The following PTPRN2 variants were observed in gnomAD, a reference collection of about 807,000 sequenced individuals.
PTPRN2 encodes the protein protein tyrosine phosphatase receptor type N2, also known as receptor-type tyrosine-protein phosphatase N2.
Under a neutral mutation model 118.8 loss-of-function variants are expected in PTPRN2, and 74 were observed. The ratio of observed to expected loss-of-function variants is 0.62; its 90% CI spans 0.52 to 0.76. The LOEUF is 0.76. Among genes scored for constraint, PTPRN2 ranks in the 30% least tolerant of loss-of-function variants. The pLI, the probability that PTPRN2 is intolerant of heterozygous loss-of-function variation, is 0.00. For missense variants in PTPRN2, 1,481 were observed against 1,394.4 expected, an observed-to-expected ratio of 1.06 and a Z score of -0.99; for synonymous variants, 641 against 608.0, an observed-to-expected ratio of 1.05 and a Z score of -0.80.
intron 12 of PTPRN2, among the ~76,000 whole-genome samples, chr7:157,803,183 T>G (rs1287600015): frequency 6.6e-6 from 1 of 152,244 alleles, no homozygotes; most frequent in African/African-American, 2.4e-5. Flanking sequence ...CAGGCTGGTC[T>G]CGAACTCCTG....
intron 12 of PTPRN2, among the ~76,000 whole-genome samples, chr7:157,837,987 C>G (rs1808092032): frequency 6.6e-6 from 1 of 151,698 alleles, no homozygotes; most frequent in African/African-American, 2.4e-5. Context: ...AAGCTCCTCT[C>G]CACTATGCCT....
chr7:158,408,887 T>C (rs1813798273), intron 2 of PTPRN2, among the ~76,000 whole-genome samples: 1 of 151,728 alleles, frequency 6.6e-6, no homozygotes, highest in Non-Finnish European at 1.5e-5. Flanking sequence ...CATATTAACA[T>C]TGACACCAAA....
At chr7:157,840,237 G>GTGTGACTGTGTGACTGTT (rs1808294230) in intron 12 of PTPRN2, among the ~76,000 whole-genome samples, 1 of 150,590 alleles carries the variant, frequency 6.6e-6, no homozygotes, top group African/African-American at 2.5e-5. Flanking sequence ...GTGTGACTGT[G>GTGTGACTGTGTGACTGTT]TGTGACTGTG....
intron 2 of PTPRN2, among the ~76,000 whole-genome samples, chr7:158,337,026 A>AGG (rs1805715971): frequency 9.8e-6 from 1 of 101,530 alleles, no homozygotes; most frequent in Non-Finnish European, 2.2e-5. Flanking sequence ...AAGAGCTGTC[A>AGG]CCCACAGACA....
At chr7:158,254,903 A>G (rs554756888) in intron 3 of PTPRN2, among the ~76,000 whole-genome samples, 1 of 152,380 alleles carries the variant, frequency 6.6e-6, no homozygotes, top group East Asian at 1.9e-4. Flanking sequence ...ATAGATCTGG[A>G]CACGAATAAT....
chr7:157,613,940 A>C, intron 15 of PTPRN2: 1 of 452,166 alleles, frequency 2.2e-6, no homozygotes, highest in Non-Finnish European at 4.6e-6. Flanking sequence ...CCACATGGCC[A>C]GGGGCGACCC....
intron 12 of PTPRN2, among the ~76,000 whole-genome samples, chr7:157,855,084 G>A (rs57677953): frequency 0.038 from 5,707 of 148,666 alleles, 290 homozygotes; most frequent in African/African-American, 0.14. Context: ...GGATGGCTGT[G>A]CCGTTGCAGG....
chr7:157,781,190 A>G (rs1209819496), intron 12 of PTPRN2, among the ~76,000 whole-genome samples: 1 of 152,184 alleles, frequency 6.6e-6, no homozygotes, highest in Non-Finnish European at 1.5e-5. Context: ...CCTTTTGATG[A>G]AAAGTCTGTC....
intron 12 of PTPRN2, among the ~76,000 whole-genome samples, chr7:157,741,138 C>G (rs1800611924): frequency 6.6e-6 from 1 of 152,236 alleles, no homozygotes; most frequent in Non-Finnish European, 1.5e-5. Flanking sequence ...TCCACAGGCT[C>G]CATGACGGCA....
intron 4 of PTPRN2, among the ~76,000 whole-genome samples, chr7:158,197,028 A>G (rs529672020): frequency 7.9e-5 from 12 of 151,914 alleles, no homozygotes; most frequent in African/African-American, 2.7e-4. Flanking sequence ...ATATACATGT[A>G]TGTGTGTGTG....
chr7:157,992,291 G>A (rs563331864), intron 11 of PTPRN2, among the ~76,000 whole-genome samples: 6 of 152,336 alleles, frequency 3.9e-5, no homozygotes, highest in East Asian at 1.9e-4. Context: ...ACTGCATGGC[G>A]ACACGTTCTC....
At chr7:158,584,225 C>T (rs940099719) in intron 1 of PTPRN2, among the ~76,000 whole-genome samples, 4 of 152,088 alleles carry the variant, frequency 2.6e-5, no homozygotes, top group Admixed American at 6.6e-5. Flanking sequence ...GAAGGGGGGG[C>T]CTTTATAAAA....
chr7:158,462,825 A>T (rs1819104359), intron 2 of PTPRN2, among the ~76,000 whole-genome samples: 1 of 152,230 alleles, frequency 6.6e-6, no homozygotes, highest in African/African-American at 2.4e-5. Context: ...GATGAGTTGA[A>T]GGTTGGGACA....
Position 158,034,500 on chromosome 7 carries a change from T to C in PTPRN2, c.1723+46798A>G, listed in dbSNP as rs544507096. On this transcript the variant is annotated intron_variant, in intron 11 of 22. Coordinates refer to ENST00000389418, the MANE Select transcript of PTPRN2 (RefSeq NM_002847.5). ...GGGAGTTTCCCTGCACTTTGCCTGCTGCCATCCATGTAAGACGGGACTTGC... is the reference window on the plus strand; with the variant it reads ...GGGAGTTTCCCTGCACTTTGCCTGCCGCCATCCATGTAAGACGGGACTTGC... Among the ~76,000 whole-genome samples the C allele has an allele frequency of 1.2e-3, 181 of 152,336 alleles. 2 individuals carry two copies. The highest frequency in any genetic ancestry group is 3.4e-3 in the Middle Eastern group (1 of 294).
In PTPRN2 at chr7:157,764,496, G is replaced by A. The variant is rs1802331713; in HGVS notation, c.1789-81559C>T. 6.6e-6 allele frequency among the ~76,000 whole-genome samples: 1 copy of A among 152,210 alleles called. No homozygotes were observed. The highest frequency in any genetic ancestry group is 1.5e-5 in the Non-Finnish European group (1 of 68,038). ...CCAGTCACAATATGATAAACACTGT[G>A]TGATTCCACTCGTATGGGGTCCTTA... On this transcript the variant is annotated intron_variant, in intron 12 of 22. Coordinates refer to ENST00000389418, the MANE Select transcript of PTPRN2 (RefSeq NM_002847.5). The surrounding 1 kb of genome is among the most constrained non-coding windows in gnomAD (Gnocchi z 4.5).
intron 1 of PTPRN2, among the ~76,000 whole-genome samples, chr7:158,514,274 C>T (rs145358259): frequency 1.1e-4 from 16 of 152,252 alleles, no homozygotes; most frequent in South Asian, 2.1e-4. Context: ...ACATTCTCCT[C>T]GTTTATCAAT....
At chr7:158,192,000 G>T (rs1477915739) in intron 5 of PTPRN2, among the ~76,000 whole-genome samples, 1 of 152,174 alleles carries the variant, frequency 6.6e-6, no homozygotes, top group African/African-American at 2.4e-5. Context: ...TTTCTCAAAG[G>T]GTGAAGAGCA....
chr7:157,896,962 C>T (rs1477242073), intron 12 of PTPRN2, among the ~76,000 whole-genome samples: 1 of 152,032 alleles, frequency 6.6e-6, no homozygotes, highest in Non-Finnish European at 1.5e-5. Context: ...CCTCTCAGGG[C>T]AGAGCCTCCC....
chr7:157,685,454 T>C (rs2150817798), intron 12 of PTPRN2, among the ~76,000 whole-genome samples: 1 of 152,028 alleles, frequency 6.6e-6, no homozygotes, highest in Non-Finnish European at 1.5e-5. Context: ...CGCGGGTGTG[T>C]GGGGTTCCGA....
Sources: allele counts gnomAD v4.1 joint callset (sites outside exome capture counted in the v4.1 genomes callset), GRCh38; gene constraint gnomAD v4.1.1; non-coding constraint Gnocchi (gnomAD v3.1); transcripts MANE v1.5; gene names NCBI Gene and HGNC (gene_info 2026-07-23, HGNC 2026-07-21).